Variants in ITFG1 observed in about 807,000 individuals in gnomAD.
ITFG1 encodes the protein integrin alpha FG-GAP repeat containing 1.
ITFG1 carries 34 observed loss-of-function variants against 81.8 expected under a neutral mutation model. The observed-to-expected ratio is 0.42, with a 90% CI of 0.32 to 0.55. The LOEUF is 0.55. Among genes scored for constraint, ITFG1 ranks in the 20% least tolerant of loss-of-function variants. ITFG1 has a pLI of 0.17. For missense variants in ITFG1, 672 were observed against 755.4 expected (o/e 0.89, Z 1.29); for synonymous variants, 285 against 270.6 (o/e 1.05, Z -0.52).
At chr16:47,432,075 C>A (rs941620028) in intron 5 of ITFG1, among the ~76,000 whole-genome samples, 5 of 152,168 alleles carry the variant, frequency 3.3e-5, no homozygotes, top group Admixed American at 3.3e-4. Flanking sequence ...CCCCAGAAAC[C>A]TTGACTCATC....
At chr16:47,295,610 T>C (rs1028432133) in intron 10 of ITFG1, among the ~76,000 whole-genome samples, 9 of 152,234 alleles carry the variant, frequency 5.9e-5, no homozygotes, top group African/African-American at 2.2e-4. Flanking sequence ...TTGTTCATAG[T>C]ATTCTCTGAT....
At chr16:47,350,017 GA>G (rs1354906351) in intron 8 of ITFG1, among the ~76,000 whole-genome samples, 1 of 152,144 alleles carries the variant, frequency 6.6e-6, no homozygotes, top group Non-Finnish European at 1.5e-5. Flanking sequence ...TGAAACCAAT[GA>G]GAACAAAGAC....
intron 8 of ITFG1, among the ~76,000 whole-genome samples, chr16:47,324,438 A>G (rs1050896763): frequency 6.6e-6 from 1 of 152,184 alleles, no homozygotes; most frequent in Non-Finnish European, 1.5e-5. Flanking sequence ...CTAACAAGCA[A>G]AATAGCCAGC....
intron 14 of ITFG1, among the ~76,000 whole-genome samples, chr16:47,170,185 TG>T (rs1964940066): frequency 6.6e-6 from 1 of 152,186 alleles, no homozygotes; most frequent in Non-Finnish European, 1.5e-5. Context: ...AGAGTAATGC[TG>T]GTCTCACAGA....
intron 10 of ITFG1, among the ~76,000 whole-genome samples, chr16:47,270,857 C>G (rs1242069535): frequency 6.6e-6 from 1 of 150,838 alleles, no homozygotes; most frequent in Non-Finnish European, 1.5e-5. Context: ...AAAATGCAAT[C>G]TAATCTACAG....
chr16:47,402,382 C>T (rs1968672636), intron 6 of ITFG1, among the ~76,000 whole-genome samples: 1 of 152,132 alleles, frequency 6.6e-6, no homozygotes, highest in African/African-American at 2.4e-5. Flanking sequence ...ATAGTTCTGT[C>T]AGAAACATTT....
chr16:47,212,510 C>T (rs537339778), intron 14 of ITFG1, among the ~76,000 whole-genome samples: 12 of 152,352 alleles, frequency 7.9e-5, no homozygotes, highest in South Asian at 2.1e-4. Context: ...AGCCATCCAT[C>T]GCACTCTACC....
chr16:47,209,251 TAA>T (rs1965536457), intron 14 of ITFG1, among the ~76,000 whole-genome samples: 1 of 152,194 alleles, frequency 6.6e-6, no homozygotes, highest in Non-Finnish European at 1.5e-5. Context: ...ATTGTAACTG[TAA>T]AATAAATCAT....
At chr16:47,299,186 G>C (rs1421517382) in intron 10 of ITFG1, among the ~76,000 whole-genome samples, 1 of 152,190 alleles carries the variant, frequency 6.6e-6, no homozygotes, top group Non-Finnish European at 1.5e-5. Flanking sequence ...AGACAATGCT[G>C]TTTCCTTTTA....
At chr16:47,206,249 AACACATGATT>A (rs1375172765) in intron 14 of ITFG1, among the ~76,000 whole-genome samples, 1 of 152,184 alleles carries the variant, frequency 6.6e-6, no homozygotes, top group East Asian at 1.9e-4. Flanking sequence ...GGATCCAAAG[AACACATGATT>A]ACCTCCCCCA....
intron 6 of ITFG1, among the ~76,000 whole-genome samples, chr16:47,406,170 G>T (rs1467102814): frequency 6.6e-6 from 1 of 152,164 alleles, no homozygotes; most frequent in Admixed American, 6.5e-5. Context: ...ATTTGAATCA[G>T]TTCAAATGAT....
chr16:47,458,924 T>C (rs1969486028), intron 2 of ITFG1, among the ~76,000 whole-genome samples, 179 bp downstream of exon 2: 1 of 152,136 alleles, frequency 6.6e-6, no homozygotes, highest in African/African-American at 2.4e-5. Flanking sequence ...TTTAAAGTCA[T>C]TTTTAAACTT....
intron 8 of ITFG1, among the ~76,000 whole-genome samples, chr16:47,334,967 C>T (rs1424287343): frequency 6.6e-6 from 1 of 152,086 alleles, no homozygotes; most frequent in East Asian, 1.9e-4. Flanking sequence ...GGTTATTAAG[C>T]AAAGAATTCT....
chr16:47,345,529 C>A (rs1004132589), intron 8 of ITFG1, among the ~76,000 whole-genome samples: 6 of 152,090 alleles, frequency 3.9e-5, no homozygotes, highest in African/African-American at 1.4e-4. Flanking sequence ...GAACTCCTGA[C>A]CTCAAGAGAT....
At chr16:47,355,391 G>C (rs944507891) in intron 8 of ITFG1, among the ~76,000 whole-genome samples, 3 of 152,098 alleles carry the variant, frequency 2.0e-5, no homozygotes, top group Non-Finnish European at 2.9e-5. Flanking sequence ...CTGGGGAGAG[G>C]ATATGGAGAG....
At chr16:47,187,263 T>G (rs1219127317) in intron 14 of ITFG1, among the ~76,000 whole-genome samples, 1 of 152,120 alleles carries the variant, frequency 6.6e-6, no homozygotes, top group Non-Finnish European at 1.5e-5. Context: ...AAAAACTACT[T>G]TAACGTTCAT....
chr16:47,355,975 T>A (rs1968034674), intron 8 of ITFG1, among the ~76,000 whole-genome samples: 1 of 152,044 alleles, frequency 6.6e-6, no homozygotes, highest in African/African-American at 2.4e-5. Context: ...TACTAGTAGG[T>A]CACTGTTGGT....
intron 10 of ITFG1, among the ~76,000 whole-genome samples, chr16:47,298,482 T>G (rs1967019114): frequency 6.6e-6 from 1 of 152,192 alleles, no homozygotes; most frequent in Non-Finnish European, 1.5e-5. Context: ...GGAAATTTTT[T>G]TTTTTCTCTT....
chr16:47,265,818 T>A (rs997283094), intron 10 of ITFG1, among the ~76,000 whole-genome samples: 4 of 152,130 alleles, frequency 2.6e-5, no homozygotes, highest in Non-Finnish European at 5.9e-5. Flanking sequence ...GTTGTGAGAT[T>A]GGATTAAAAA....
Sources: gnomAD v4.1 joint callset for allele counts (sites outside exome capture counted in the v4.1 genomes callset) on GRCh38, gnomAD v4.1.1 for gene constraint, MANE v1.5 for transcripts, NCBI Gene and HGNC (gene_info 2026-07-23, HGNC 2026-07-21) for gene names.